RPAP1: variants seen among roughly 807,000 people sequenced by gnomAD.
RPAP1 encodes the protein RNA polymerase II associated protein 1.
Under a neutral mutation model 142.4 loss-of-function variants are expected in RPAP1, and 109 were observed. The observed-to-expected ratio is 0.77, with a 90% confidence interval of 0.66 to 0.90. The LOEUF (loss-of-function observed/expected upper bound fraction) is 0.90, where lower values mean the gene tolerates loss of function less well. Among genes scored for constraint, RPAP1 ranks in the 40% least tolerant of loss-of-function variants. RPAP1 has a pLI of 0.00. For synonymous variants in RPAP1, 704 were observed against 738.9 expected (o/e 0.95, Z 0.77); for missense variants, 1,546 against 1,751.7 (o/e 0.88, Z 2.10).
In RPAP1 at chr15:41,522,267, T is replaced by G; in HGVS notation, c.2743-17A>C. The G allele has an allele frequency of 6.2e-7, 1 of 1,611,618 alleles. No homozygotes were observed. Among genetic ancestry groups the G allele is most frequent in the Non-Finnish European group, 8.5e-7 (1 of 1,179,116 alleles). ...GGCAGCCAGCTGAGGAAAAGCAATT[T>G]TGTTCAGATCTAGAAATTGACTCTC... On this transcript the variant is annotated splice_polypyrimidine_tract_variant and intron_variant, in intron 19 of 24. Coordinates refer to ENST00000304330, the MANE Select transcript of RPAP1 (RefSeq NM_015540.4).
chr15:41,529,784 C>T, intron 8 of RPAP1, 80 bp downstream of exon 8: 1 of 1,067,320 alleles, frequency 9.4e-7, no homozygotes, highest in Non-Finnish European at 1.4e-6. Flanking sequence ...ATAGAAAGGC[C>T]TGAGTTCTGA....
intron 19 of RPAP1, 124 bp downstream of exon 19, chr15:41,522,641 C>T (rs1462629320): frequency 3.1e-5 from 26 of 847,906 alleles, no homozygotes; most frequent in South Asian, 4.3e-5. Flanking sequence ...CTGCCCACCT[C>T]GGCCTCCCAA....
chr15:41,529,388 A>G, intron 9 of RPAP1, 82 bp downstream of exon 9: 1 of 873,142 alleles, frequency 1.1e-6, no homozygotes, highest in South Asian at 1.5e-5. Flanking sequence ...GGCACACAGA[A>G]GGTCAAAGGC....
chr15:41,523,669 G>T, intron 17 of RPAP1, 102 bp downstream of exon 17: 1 of 979,222 alleles, frequency 1.0e-6, no homozygotes, highest in Non-Finnish European at 1.6e-6. Context: ...AGTAAATGGG[G>T]AAGTAGGAGT....
At chr15:41,536,904 T>C (rs1300977135) in intron 2 of RPAP1, 41 bp downstream of exon 2, 1 of 1,597,336 alleles carries the variant, frequency 6.3e-7, no homozygotes, top group African/African-American at 1.3e-5. Context: ...CCCGAGGCTG[T>C]ACCCTCTCTA....
chr15:41,537,177 T>C lies in RPAP1; in HGVS notation c.-52A>G. 6.4e-7 allele frequency: 1 copy of C among 1,556,932 alleles called. No individual in the cohort carries two copies. Among genetic ancestry groups the C allele is most frequent in the Non-Finnish European group, 8.7e-7 (1 of 1,144,824 alleles). ...ACGACTCTCTCCAGCAGTGTCTCCG[T>C]GTGGGGGTTCCCTCTTATTCATCCC... On this transcript the variant is annotated 5_prime_UTR_variant, in exon 2 of 25. Transcript: ENST00000304330.
intron 6 of RPAP1, 104 bp downstream of exon 6, chr15:41,534,609 GC>G: frequency 7.4e-6 from 2 of 269,834 alleles, no homozygotes; most frequent in Non-Finnish European, 1.3e-5. Flanking sequence ...AAAAAAAAAA[GC>G]ATTAAAGTAC....
chr15:41,531,644 T>A (rs377141728), intron 6 of RPAP1, among the ~76,000 whole-genome samples: 46,148 of 118,222 alleles, frequency 0.39, 8,501 homozygotes, highest in East Asian at 0.52. Context: ...TTTTTTTTTT[T>A]TTTTTTTTTT....
At chr15:41,532,494 G>C (rs530748847) in intron 6 of RPAP1, among the ~76,000 whole-genome samples, 18 of 152,284 alleles carry the variant, frequency 1.2e-4, no homozygotes, top group African/African-American at 3.6e-4. Context: ...AGAGGTGCTA[G>C]TATACAGTGG....
intron 6 of RPAP1, among the ~76,000 whole-genome samples, chr15:41,534,479 A>G (rs2140782953): frequency 6.8e-6 from 1 of 146,678 alleles, no homozygotes; most frequent in Admixed American, 6.9e-5. Context: ...CCAGCTACAC[A>G]GGAGGCTGAA....
chr15:41,523,220 C>G, intron 18 of RPAP1, 25 bp downstream of exon 18: 2 of 1,459,716 alleles, frequency 1.4e-6, no homozygotes, highest in Non-Finnish European at 1.9e-6. Context: ...CCCTGCTTCC[C>G]CCAGCTACCA....
chr15:41,526,846 A>C (rs1322130956), intron 14 of RPAP1, 52 bp downstream of exon 14: 2 of 1,534,224 alleles, frequency 1.3e-6, no homozygotes, highest in Non-Finnish European at 1.8e-6. Flanking sequence ...TTAGCTCCCA[A>C]CCCAACCCTG....
Position 41,527,161 on chromosome 15 carries a change from T to C in RPAP1, c.1746+6A>G. On this transcript the variant is annotated splice_donor_region_variant and intron_variant, in intron 13 of 24. Transcript: ENST00000304330. Reference sequence around the variant, plus strand: ...TTTGCCCATTCCCTGCTCCCTTTTTTCTCACCCTTGTGGCTGATTCCAGGG... The same window carrying C: ...TTTGCCCATTCCCTGCTCCCTTTTTCCTCACCCTTGTGGCTGATTCCAGGG... The C allele has an allele frequency of 5.0e-6, 8 of 1,614,192 alleles. No individual in the cohort carries two copies. Among genetic ancestry groups the C allele is most frequent in the Non-Finnish European group, 5.9e-6 (7 of 1,180,004 alleles).
Position 41,523,306 on chromosome 15 carries a change from C to T in RPAP1, c.2485G>A (p.Glu829Lys), listed in dbSNP as rs756152208. 31 of 1,612,422 alleles carry T rather than the reference C, an allele frequency of 1.9e-5. No homozygotes were observed. Among genetic ancestry groups the T allele is most frequent in the Non-Finnish European group, 2.5e-5 (30 of 1,179,338 alleles). The change falls in exon 18 of 25, where the codon GAG becomes AAG. Residue 829 changes from glutamate (E) to lysine (K), a missense_variant. Physicochemically the swap from Glu to Lys is moderately conservative, Grantham distance 56 (BLOSUM62 1). Around this residue, in one of 3 missense-constraint regions of RPAP1, gnomAD observed 1,333 missense variants for 1,486.6 expected, o/e 0.90. Coordinates refer to ENST00000304330, the MANE Select transcript of RPAP1 (RefSeq NM_015540.4). The stretch of plus-strand genomic sequence containing the variant: ...CTCAGCAGTGGCAGCAGCAGCTCCT[C>T]TGACAGGCGCTGCATGTCCTGGAGC... ...DWLQDMQRLS[E>K]ELLLPLLSQP... is the part of the protein sequence containing the mutation.
At position 41,520,901 on chromosome 15, in the gene RPAP1, C is replaced by T. The variant is rs147034312; in HGVS notation, c.3285G>A (p.Pro1095=). ...GGAAGGGCCAGTCGGTGGGCAGCAG[C>T]GGCTCCGTAGGCATGGGCAGTAGCA... is the stretch of plus-strand genomic sequence containing the variant. ...PTLLLPMPTE[P]LLPTDWPFLP... is the part of the protein sequence containing the mutation. Residue 1095 remains proline, a synonymous_variant, in exon 22 of 25, where the codon CCG becomes CCA. Coordinates refer to ENST00000304330, the MANE Select transcript of RPAP1 (RefSeq NM_015540.4). 1.0e-4 allele frequency: 165 copies of T among 1,613,422 alleles called. 2 individuals carry two copies. Among genetic ancestry groups the T allele is most frequent in the South Asian group, 6.4e-4 (58 of 91,074 alleles).
At position 41,517,566 on chromosome 15, in the gene RPAP1, G is replaced by A; in HGVS notation, c.4158C>T (p.Leu1386=). ...CCTAGGTCTCTGATACCCCATTTTGGAGCACTGTTGAAGTCAGTCTCTGGA... is the reference window on the plus strand; with the variant it reads ...CCTAGGTCTCTGATACCCCATTTTGAAGCACTGTTGAAGTCAGTCTCTGGA... ...HYLQRLTSTV[L]QNGVSET Residue 1386 remains leucine, a synonymous_variant, in exon 25 of 25, where the codon CTC becomes CTT. Transcript: ENST00000304330. 6.3e-7 allele frequency: 1 copy of A among 1,577,274 alleles called. No homozygotes were observed. Among genetic ancestry groups the A allele is most frequent in the Non-Finnish European group, 8.6e-7 (1 of 1,161,980 alleles).
At chr15:41,536,894 C>T in intron 2 of RPAP1, 51 bp downstream of exon 2, 2 of 1,579,568 alleles carry the variant, frequency 1.3e-6, no homozygotes, top group Middle Eastern at 1.7e-4. Context: ...GAGGGAGGGG[C>T]CCGAGGCTGT....
chr15:41,537,510 G>C (rs959043264), intron 1 of RPAP1, among the ~76,000 whole-genome samples: 35 of 152,282 alleles, frequency 2.3e-4, no homozygotes, highest in African/African-American at 7.5e-4. Flanking sequence ...TGATGATTCT[G>C]TATCAAACTG....
chr15:41,535,408 C>G (rs1045785972), intron 5 of RPAP1, 104 bp downstream of exon 5: 21 of 1,459,450 alleles, frequency 1.4e-5, no homozygotes, highest in Non-Finnish European at 1.9e-5. Flanking sequence ...TGAGATGGCT[C>G]AAATGCACCT....
Sources: allele counts gnomAD v4.1 joint callset (sites outside exome capture counted in the v4.1 genomes callset), GRCh38; gene constraint gnomAD v4.1.1; regional missense constraint gnomAD v4.1.1; transcripts MANE v1.5; gene names NCBI Gene and HGNC (gene_info 2026-07-23, HGNC 2026-07-21).